TMEM132B: variants seen among roughly 807,000 people sequenced by gnomAD.
The protein encoded by TMEM132B is transmembrane protein 132B.
Under a neutral mutation model 90.8 loss-of-function variants are expected in TMEM132B, and 18 were observed. The observed-to-expected ratio is 0.20, with a 90% CI of 0.14 to 0.29. TMEM132B has a LOEUF of 0.29. TMEM132B is among the 10% of genes least tolerant of loss of function. The probability of loss-of-function intolerance (pLI) is 1.00; values close to 1 mark genes in which losing one functional copy is unlikely to be tolerated. For synonymous variants in TMEM132B, 504 were observed against 523.3 expected, an observed-to-expected ratio of 0.96 and a Z score of 0.50; for missense variants, 1,096 against 1,326.8, an observed-to-expected ratio of 0.83 and a Z score of 2.70.
rs565774576 is a variant in TMEM132B at position 125,258,560 on chromosome 12, G to C, written c.67+71694G>C. 2.0e-5 allele frequency among the ~76,000 whole-genome samples: 3 copies of C among 152,166 alleles called. No homozygotes were observed. The East Asian group carries it at 5.8e-4, about 29-fold the overall frequency. On this transcript the variant is annotated intron_variant, in intron 1 of 8. Transcript: ENST00000682704. ...CCAGACTCCAAGTGCAAGGCAAGCT[G>C]CATGGCCTTTGAGGATCCTGTCTCC...
intron 4 of TMEM132B, among the ~76,000 whole-genome samples, chr12:125,546,881 C>A (rs1048969763): frequency 1.3e-5 from 2 of 152,168 alleles, no homozygotes; most frequent in Non-Finnish European, 2.9e-5. Context: ...AGGAAAGAGG[C>A]TTAATTGACT....
At chr12:125,334,916 T>C (rs1286278398) in intron 1 of TMEM132B, among the ~76,000 whole-genome samples, 4 of 152,240 alleles carry the variant, frequency 2.6e-5, no homozygotes, top group Non-Finnish European at 5.9e-5. Flanking sequence ...GCACAGTTCC[T>C]TCTGAGCGTG....
chr12:125,633,677 TG>T (rs1886416487), intron 5 of TMEM132B, among the ~76,000 whole-genome samples: 1 of 149,546 alleles, frequency 6.7e-6, no homozygotes. Flanking sequence ...AGACGCATAG[TG>T]GTACCCCCTT....
intron 3 of TMEM132B, among the ~76,000 whole-genome samples, chr12:125,464,367 C>T (rs1018789684): frequency 2.6e-5 from 4 of 152,104 alleles, no homozygotes; most frequent in African/African-American, 9.7e-5. Context: ...TGGCAATTGG[C>T]AGGAAGTAGC....
chr12:125,402,338 C>T (rs1566023871), intron 2 of TMEM132B, among the ~76,000 whole-genome samples: 2 of 152,140 alleles, frequency 1.3e-5, no homozygotes, highest in Non-Finnish European at 2.9e-5. Flanking sequence ...TACAGGCAAC[C>T]ACCACCACGC....
intron 2 of TMEM132B, among the ~76,000 whole-genome samples, chr12:125,354,402 A>G (rs536235809): frequency 1.3e-5 from 2 of 152,276 alleles, no homozygotes; most frequent in East Asian, 3.9e-4. Context: ...AGCAAATTAG[A>G]ACTAGCTGGT....
intron 1 of TMEM132B, among the ~76,000 whole-genome samples, chr12:125,189,412 A>G (rs1343681516): frequency 6.6e-6 from 1 of 152,098 alleles, no homozygotes; most frequent in East Asian, 1.9e-4. Context: ...CTGCCCCACG[A>G]CAGAGGGGCC....
At chr12:125,424,817 A>C (rs1469930559) in intron 3 of TMEM132B, among the ~76,000 whole-genome samples, 1 of 152,172 alleles carries the variant, frequency 6.6e-6, no homozygotes, top group Non-Finnish European at 1.5e-5. Context: ...CAGTGGAGAC[A>C]GCTGGGGATT....
chr12:125,371,694 T>A (rs1043566364), intron 2 of TMEM132B, among the ~76,000 whole-genome samples: 6 of 152,238 alleles, frequency 3.9e-5, no homozygotes, highest in Non-Finnish European at 7.3e-5. Context: ...TCAGTTTGTC[T>A]GGTTGACATT....
At chr12:125,603,256 G>C (rs1885612759) in intron 5 of TMEM132B, among the ~76,000 whole-genome samples, 1 of 152,092 alleles carries the variant, frequency 6.6e-6, no homozygotes, top group African/African-American at 2.4e-5. Context: ...TACCAAAACA[G>C]TCATATAGAC....
intron 5 of TMEM132B, among the ~76,000 whole-genome samples, chr12:125,631,138 C>T (rs1173958757): frequency 6.6e-6 from 1 of 151,762 alleles, no homozygotes; most frequent in Admixed American, 6.6e-5. Flanking sequence ...TATATACTTC[C>T]CTTAGGATTT....
At chr12:125,629,989 C>T (rs1886322604) in intron 5 of TMEM132B, among the ~76,000 whole-genome samples, 1 of 151,980 alleles carries the variant, frequency 6.6e-6, no homozygotes, top group South Asian at 2.1e-4. Flanking sequence ...GGGATAAATC[C>T]CACTTGATCA....
At chr12:125,227,690 C>T (rs1220151824) in intron 1 of TMEM132B, among the ~76,000 whole-genome samples, 1 of 152,166 alleles carries the variant, frequency 6.6e-6, no homozygotes, top group South Asian at 2.1e-4. Context: ...ATTCAGCATG[C>T]TCTCCCTCCC....
chr12:125,247,001 A>T (rs577806369), intron 1 of TMEM132B, among the ~76,000 whole-genome samples: 1 of 152,196 alleles, frequency 6.6e-6, no homozygotes, highest in Non-Finnish European at 1.5e-5. Context: ...TTTAGAAGAC[A>T]TTAAATCAAA....
At chr12:125,522,190 CCTTT>C (rs1305405775) in intron 4 of TMEM132B, among the ~76,000 whole-genome samples, 1 of 152,190 alleles carries the variant, frequency 6.6e-6, no homozygotes, top group Non-Finnish European at 1.5e-5. Flanking sequence ...TTAGTCTCCC[CCTTT>C]CTATTTTCAC....
chr12:125,645,667 G>T (rs1886748310), intron 6 of TMEM132B, among the ~76,000 whole-genome samples: 2 of 152,212 alleles, frequency 1.3e-5, no homozygotes, highest in South Asian at 2.1e-4. Flanking sequence ...TAAGAGACCA[G>T]CCCAGCTGAC....
In TMEM132B at chr12:125,335,941, T is replaced by A. The variant is rs6488997; in HGVS notation, c.68-13511T>A. On this transcript the variant is annotated intron_variant, in intron 1 of 8. Transcript: ENST00000682704. The stretch of plus-strand genomic sequence containing the variant: ...GGGGGAGGTGGCAGTGAGCCAAGAT[T>A]GCGCCACTGCACTCCAGCCTGGGCG... Among the ~76,000 whole-genome samples, 3 of 152,070 alleles carry A rather than the reference T, an allele frequency of 2.0e-5. No individual in the cohort carries two copies. The East Asian group carries it at 5.8e-4, about 30-fold the overall frequency.
chr12:125,403,984 T>G (rs1196245398), intron 2 of TMEM132B, among the ~76,000 whole-genome samples: 2 of 152,138 alleles, frequency 1.3e-5, no homozygotes, highest in African/African-American at 4.8e-5. Context: ...TTTTTTGTTG[T>G]GGATGAGGAT....
intron 4 of TMEM132B, among the ~76,000 whole-genome samples, chr12:125,566,748 C>T (rs552631058): frequency 7.9e-5 from 12 of 151,576 alleles, no homozygotes; most frequent in Non-Finnish European, 1.0e-4. Flanking sequence ...TAATGGAAAT[C>T]TCTGTGGCAT....
Sources: allele counts gnomAD v4.1 joint callset (sites outside exome capture counted in the v4.1 genomes callset), GRCh38; gene constraint gnomAD v4.1.1; transcripts MANE v1.5; gene names NCBI Gene and HGNC (gene_info 2026-07-23, HGNC 2026-07-21).